The following ATXN7 variants were observed in gnomAD, a reference collection of about 807,000 sequenced individuals.
The protein encoded by ATXN7 is ataxin-7.
ATXN7 carries 12 observed loss-of-function variants against 70.5 expected under a neutral mutation model. The ratio of observed to expected loss-of-function variants is 0.17; its 90% CI spans 0.11 to 0.28. The LOEUF (loss-of-function observed/expected upper bound fraction) is 0.28, where lower values mean the gene tolerates loss of function less well. Ranked by LOEUF, ATXN7 falls within the 10% of genes least tolerant of loss-of-function variation. The pLI, the probability that ATXN7 is intolerant of heterozygous loss-of-function variation, is 1.00. For synonymous variants in ATXN7, 498 were observed against 448.7 expected (o/e 1.11, Z -1.39); for missense variants, 1,256 against 1,131.7 (o/e 1.11, Z -1.58).
At chr3:63,962,243 G>A (rs998860005) in intron 5 of ATXN7, among the ~76,000 whole-genome samples, 2 of 152,038 alleles carry the variant, frequency 1.3e-5, no homozygotes. Flanking sequence ...TAAAAAAGAA[G>A]AACAGATAAT....
At chr3:63,876,053 T>G (rs1222118319) in intron 1 of ATXN7, among the ~76,000 whole-genome samples, 1 of 152,216 alleles carries the variant, frequency 6.6e-6, no homozygotes, top group Non-Finnish European at 1.5e-5. Flanking sequence ...TAACCATGTT[T>G]TGATAAGCAC....
intron 1 of ATXN7, among the ~76,000 whole-genome samples, chr3:63,866,014 A>C (rs1026572124): frequency 1.3e-5 from 2 of 151,746 alleles, no homozygotes; most frequent in African/African-American, 4.8e-5. Context: ...CAGTGATTTA[A>C]AATAATCTGT....
At chr3:63,902,847 A>T (rs1426381339) in intron 2 of ATXN7, among the ~76,000 whole-genome samples, 2 of 152,166 alleles carry the variant, frequency 1.3e-5, no homozygotes, top group Admixed American at 1.3e-4. Flanking sequence ...TCTTCTTCAA[A>T]AAAAAATCTT....
chr3:63,959,097 AT>A (rs2075081972), intron 5 of ATXN7, among the ~76,000 whole-genome samples: 1 of 152,208 alleles, frequency 6.6e-6, no homozygotes, highest in Admixed American at 6.5e-5. Context: ...TAGATAATTG[AT>A]TTAGCGTAGT....
At position 63,963,685 on chromosome 3, in the gene ATXN7, A is replaced by G. The variant is rs78276099; in HGVS notation, c.499+11202A>G. 9.9e-4 allele frequency among the ~76,000 whole-genome samples: 151 copies of G among 152,208 alleles called. 3 individuals are homozygous for G. In the East Asian group the frequency reaches 0.022, roughly 22 times the overall value. ...TCCATTCACAGCCCTGGATAACACTAATCCCCTCTTTTTAATGGTTGCATA... is the reference window on the plus strand; with the variant it reads ...TCCATTCACAGCCCTGGATAACACTGATCCCCTCTTTTTAATGGTTGCATA... On this transcript the variant is annotated intron_variant, in intron 5 of 12. Coordinates refer to ENST00000674280, the MANE Select transcript of ATXN7 (RefSeq NM_001377405.1).
In ATXN7 at chr3:63,906,677, T is replaced by A. The variant is rs187494452; in HGVS notation, c.-11-5911T>A. 6.1e-3 allele frequency among the ~76,000 whole-genome samples: 930 copies of A among 152,314 alleles called. 8 individuals are homozygous for A. The highest frequency in any genetic ancestry group is 0.027 in the Middle Eastern group (8 of 294). Reference sequence around the variant, plus strand: ...GAGTTTGTTAAAGAAATGGAATTTGTGGAAGAACTTTGATTGAACAGCAGG... The same window carrying A: ...GAGTTTGTTAAAGAAATGGAATTTGAGGAAGAACTTTGATTGAACAGCAGG... On this transcript the variant is annotated intron_variant, in intron 2 of 12. Transcript: ENST00000674280.
chr3:63,903,827 C>T (rs1387438996), intron 2 of ATXN7: 2 of 152,138 alleles, frequency 1.3e-5, no homozygotes, highest in Non-Finnish European at 2.9e-5. Context: ...AATGCTGTGG[C>T]TGGTGGTGTC....
chr3:63,975,524 T>C (rs1051508411), intron 5 of ATXN7, among the ~76,000 whole-genome samples: 1 of 152,232 alleles, frequency 6.6e-6, no homozygotes, highest in African/African-American at 2.4e-5. Context: ...TTTTGACTGC[T>C]TTTTAGATTT....
At chr3:63,896,000 T>C (rs1437593021) in intron 1 of ATXN7, among the ~76,000 whole-genome samples, 1 of 152,138 alleles carries the variant, frequency 6.6e-6, no homozygotes, top group Non-Finnish European at 1.5e-5. Context: ...CAATTTCTCG[T>C]TCTAAGAAGA....
At chr3:63,872,817 C>T (rs1365199569) in intron 1 of ATXN7, among the ~76,000 whole-genome samples, 4 of 152,132 alleles carry the variant, frequency 2.6e-5, no homozygotes, top group Non-Finnish European at 4.4e-5. Context: ...CCTGTGTTAC[C>T]TCTTGGGATA....
chr3:63,952,461 G>T lies in ATXN7; in HGVS notation c.477G>T (p.Pro159=). 1 of 1,610,374 alleles carries T rather than the reference G, an allele frequency of 6.2e-7. No individual in the cohort carries two copies. The highest frequency in any genetic ancestry group is 2.2e-5 in the East Asian group (1 of 44,736). ...VCNDCNQVVK[P]QAFQSHYERR... ...ACGACTGTAATCAGGTTGTCAAACC[G>T]CAGGCATTTCAATCACATTATGGTA... Residue 159 remains proline, a synonymous_variant, in exon 5 of 13, where the codon CCG becomes CCT. Transcript: ENST00000674280.
intron 2 of ATXN7, among the ~76,000 whole-genome samples, chr3:63,899,989 CAGG>C (rs1424017597): frequency 1.3e-5 from 2 of 152,126 alleles, no homozygotes; most frequent in Non-Finnish European, 1.5e-5. Flanking sequence ...GAGGCTGCAG[CAGG>C]AGGATGGTTT....
At chr3:63,922,980 A>C (rs973348705) in intron 4 of ATXN7, among the ~76,000 whole-genome samples, 7 of 152,206 alleles carry the variant, frequency 4.6e-5, no homozygotes, top group African/African-American at 1.7e-4. Flanking sequence ...GATCAAGGAC[A>C]CCTATGTAAC....
chr3:63,891,550 T>C (rs1703263646), intron 1 of ATXN7, among the ~76,000 whole-genome samples: 1 of 150,534 alleles, frequency 6.6e-6, no homozygotes, highest in African/African-American at 2.4e-5. Context: ...CTCGAACTCC[T>C]GGCCTCAAGG....
chr3:63,930,541 T>C (rs1704910219), intron 4 of ATXN7, among the ~76,000 whole-genome samples: 1 of 152,062 alleles, frequency 6.6e-6, no homozygotes. Context: ...AATTTTTTTT[T>C]TTTTTTTGAA....
At position 64,000,168 on chromosome 3, in the gene ATXN7, T is replaced by C. The variant is rs1318554318; in HGVS notation, c.*701T>C. On this transcript the variant is annotated 3_prime_UTR_variant, in exon 13 of 13. Coordinates refer to ENST00000674280, the MANE Select transcript of ATXN7 (RefSeq NM_001377405.1). ...ATTTTTGATGCCCAGACAGCAAGTA[T>C]AAATCATTTTGGAGGCTTACTTTTC... The C allele has an allele frequency of 1.3e-5, 2 of 152,294 alleles. No individual in the cohort carries two copies. The highest frequency in any genetic ancestry group is 4.8e-5 in the African/African-American group (2 of 41,318). 9.4% of individuals were successfully genotyped at this position (152,294 alleles called of 1,614,324 possible). A position where few individuals can be genotyped will look rare whatever the true frequency, so the allele number is the denominator to read the frequency against.
rs1048459738 is a variant in ATXN7, at chr3:63,914,070, C to T, written c.394+845C>T. ...AAGTTATTCTTTCAGTGAGTTAGGA[C>T]AAGGCTTTGAGTGAGGTTTGGCCCC... On this transcript the variant is annotated intron_variant, in intron 4 of 12. Coordinates refer to ENST00000674280, the MANE Select transcript of ATXN7 (RefSeq NM_001377405.1). 2.6e-5 allele frequency among the ~76,000 whole-genome samples: 4 copies of T among 152,192 alleles called. No individual in the cohort carries two copies. In the South Asian group the frequency reaches 6.2e-4, roughly 24 times the overall value.
intron 5 of ATXN7, among the ~76,000 whole-genome samples, chr3:63,953,159 T>C (rs916311163): frequency 3.9e-5 from 6 of 152,158 alleles, no homozygotes; most frequent in Non-Finnish European, 7.3e-5. Flanking sequence ...AAAATAACTA[T>C]AAGTTTTTTC....
intron 6 of ATXN7, chr3:63,980,379 T>C: frequency 1.6e-6 from 1 of 641,126 alleles, no homozygotes; most frequent in Non-Finnish European, 2.6e-6. Flanking sequence ...TTACTAACAT[T>C]TATTGATCCA....
Sources: gnomAD v4.1 joint callset for allele counts (sites outside exome capture counted in the v4.1 genomes callset) on GRCh38, gnomAD v4.1.1 for gene constraint, MANE v1.5 for transcripts, NCBI Gene and HGNC (gene_info 2026-07-23, HGNC 2026-07-21) for gene names.